PITPNM2: variants seen among roughly 807,000 people sequenced by gnomAD.
PITPNM2 encodes phosphatidylinositol transfer protein membrane associated 2, also known as membrane-associated phosphatidylinositol transfer protein 2.
PITPNM2 carries 35 observed loss-of-function variants against 132.2 expected under a neutral mutation model. That is an observed-to-expected ratio of 0.26 (90% CI 0.20 to 0.35). PITPNM2 has a LOEUF of 0.35. Among genes scored for constraint, PITPNM2 ranks in the 10% least tolerant of loss-of-function variants. The pLI is 1.00. For synonymous variants in PITPNM2, 738 were observed against 799.2 expected, an observed-to-expected ratio of 0.92 and a Z score of 1.29; for missense variants, 1,332 against 1,912.0, an observed-to-expected ratio of 0.70 and a Z score of 5.66.
intron 3 of PITPNM2, among the ~76,000 whole-genome samples, chr12:123,018,803 A>C (rs1475331077): frequency 9.5e-5 from 5 of 52,452 alleles, no homozygotes; most frequent in African/African-American, 5.1e-4. Context: ...TTTTTTTTTG[A>C]GACAGAGTCT....
chr12:123,122,139 C>A (rs931034309), intron 1 of PITPNM2, among the ~76,000 whole-genome samples: 1 of 152,180 alleles, frequency 6.6e-6, no homozygotes, highest in Non-Finnish European at 1.5e-5. Context: ...ATTCCTCCTG[C>A]CCCCAGCTCC....
At chr12:123,043,617 C>T (rs939159090) in intron 2 of PITPNM2, among the ~76,000 whole-genome samples, 5 of 152,224 alleles carry the variant, frequency 3.3e-5, no homozygotes, top group African/African-American at 4.8e-5. Context: ...CACAGCACAG[C>T]GGCCACCTGG....
intron 2 of PITPNM2, among the ~76,000 whole-genome samples, chr12:123,098,666 C>T (rs1274898754): frequency 6.6e-6 from 1 of 152,116 alleles, no homozygotes; most frequent in Non-Finnish European, 1.5e-5. Context: ...AGCTAATATG[C>T]AAATGGAGAA....
chr12:123,035,944 G>C (rs926326985), intron 2 of PITPNM2, among the ~76,000 whole-genome samples: 2 of 152,142 alleles, frequency 1.3e-5, no homozygotes, highest in African/African-American at 4.8e-5. Context: ...CTGCAGCCTT[G>C]ATCTCCTGGG....
intron 2 of PITPNM2, among the ~76,000 whole-genome samples, chr12:123,049,198 T>C (rs1219701136): frequency 6.6e-6 from 1 of 151,908 alleles, no homozygotes; most frequent in African/African-American, 2.4e-5. Context: ...GGAGCCACAG[T>C]GGAGAAGCCA....
At chr12:123,033,289 G>A (rs937750119) in intron 3 of PITPNM2, among the ~76,000 whole-genome samples, 3 of 152,220 alleles carry the variant, frequency 2.0e-5, no homozygotes, top group Admixed American at 2.0e-4. Context: ...GGAAGCTGCC[G>A]GGCTAGGCCA....
rs528667736 is a variant in PITPNM2, at chr12:123,005,802, C to T, written c.644-254G>A. The T allele has an allele frequency of 1.9e-6, 1 of 527,120 alleles. No homozygotes were observed. The highest frequency in any genetic ancestry group is 1.9e-5 in the African/African-American group (1 of 52,820). 32.7% of individuals were successfully genotyped at this position (527,120 alleles called of 1,614,324 possible). A position where few individuals can be genotyped will look rare whatever the true frequency, so the allele number is the denominator to read the frequency against. On this transcript the variant is annotated intron_variant, in intron 6 of 25. Coordinates refer to ENST00000320201, the MANE Select transcript of PITPNM2 (RefSeq NM_020845.3). The surrounding 1 kb of genome is among the most constrained non-coding windows in gnomAD (Gnocchi z 6.2). The stretch of plus-strand genomic sequence containing the variant: ...GGCCTCCCAAAGCAATGTGTCCGGT[C>T]AGAAGCCACAGTTGGAAGGGCGCAG...
chr12:123,005,797 C>T lies in PITPNM2; in HGVS notation c.644-249G>A, dbSNP rs963594319. ...GGAGGGGCCTCCCAAAGCAATGTGT[C>T]CGGTCAGAAGCCACAGTTGGAAGGG... is the stretch of plus-strand genomic sequence containing the variant. On this transcript the variant is annotated intron_variant, in intron 6 of 25. Transcript: ENST00000320201. The surrounding 1 kb of genome is among the most constrained non-coding windows in gnomAD (Gnocchi z 6.2). 3.7e-6 allele frequency: 2 copies of T among 537,038 alleles called. No homozygotes were observed. Among genetic ancestry groups the T allele is most frequent in the Non-Finnish European group, 6.6e-6 (2 of 303,750 alleles). The allele number at this position is 537,038 out of a possible 1,614,324, so 33.3% of individuals were successfully genotyped here. A position where few individuals can be genotyped will look rare whatever the true frequency, so the allele number is the denominator to read the frequency against.
chr12:123,101,187 C>G (rs1179683288), intron 2 of PITPNM2, among the ~76,000 whole-genome samples: 1 of 152,168 alleles, frequency 6.6e-6, no homozygotes, highest in African/African-American at 2.4e-5. Flanking sequence ...AAACCTAGGC[C>G]ATTTTGGGGA....
Position 123,005,790 on chromosome 12 carries a change from A to C in PITPNM2, c.644-242T>G. ...TTAGAGTGGAGGGGCCTCCCAAAGCAATGTGTCCGGTCAGAAGCCACAGTT... is the reference window on the plus strand; with the variant it reads ...TTAGAGTGGAGGGGCCTCCCAAAGCCATGTGTCCGGTCAGAAGCCACAGTT... On this transcript the variant is annotated intron_variant, in intron 6 of 25. Coordinates refer to ENST00000320201, the MANE Select transcript of PITPNM2 (RefSeq NM_020845.3). This position sits in a 1 kb window ranked among gnomAD's most constrained non-coding sequence, Gnocchi z 6.2. The C allele has an allele frequency of 1.8e-6, 1 of 549,030 alleles. No homozygotes were observed. Among genetic ancestry groups the C allele is most frequent in the East Asian group, 3.0e-5 (1 of 33,568 alleles). 34.0% of individuals were successfully genotyped at this position (549,030 alleles called of 1,614,324 possible). A position where few individuals can be genotyped will look rare whatever the true frequency, so the allele number is the denominator to read the frequency against.
intron 1 of PITPNM2, among the ~76,000 whole-genome samples, chr12:123,125,860 T>C (rs1323666768): frequency 5.2e-5 from 5 of 96,136 alleles, no homozygotes; most frequent in Non-Finnish European, 1.0e-4. Context: ...AAAAAAAAAT[T>C]AGGGTTTTTT....
intron 16 of PITPNM2, 102 bp from the exon 17 acceptor site, chr12:122,990,811 G>A: frequency 3.8e-6 from 5 of 1,302,214 alleles, no homozygotes; most frequent in South Asian, 1.5e-5. Flanking sequence ...ACCTAGACTG[G>A]AGGCTGGGCA....
At chr12:122,987,924 A>G (rs2038006362) in intron 20 of PITPNM2, 23 bp from the exon 21 acceptor site, 6 of 1,596,200 alleles carry the variant, frequency 3.8e-6, no homozygotes, top group African/African-American at 2.7e-5. Flanking sequence ...TGGCAAGCCC[A>G]GGTCAGGGGG....
In PITPNM2 at chr12:123,064,095, G is replaced by A. The variant is rs1275385596; in HGVS notation, c.-95-29410C>T. Among the ~76,000 whole-genome samples the A allele has an allele frequency of 6.6e-6, 1 of 152,194 alleles. No individual in the cohort carries two copies. Among genetic ancestry groups the A allele is most frequent in the African/African-American group, 2.4e-5 (1 of 41,436 alleles). ...GTGTCCCCACACTCAAAACAGTCAGGACTAGGGGAAACAAATCATTGATAT... is the reference window on the plus strand; with the variant it reads ...GTGTCCCCACACTCAAAACAGTCAGAACTAGGGGAAACAAATCATTGATAT... On this transcript the variant is annotated intron_variant, in intron 2 of 25. Transcript: ENST00000320201. This position sits in a 1 kb window ranked among gnomAD's most constrained non-coding sequence, Gnocchi z 4.0.
chr12:123,103,048 T>C (rs1467515539), intron 2 of PITPNM2, among the ~76,000 whole-genome samples: 2 of 152,186 alleles, frequency 1.3e-5, no homozygotes, highest in East Asian at 1.9e-4. Flanking sequence ...CTCAGCCTCC[T>C]GAGTAGCTGG....
At chr12:123,072,738 G>A (rs1208555571) in intron 2 of PITPNM2, among the ~76,000 whole-genome samples, 1 of 152,252 alleles carries the variant, frequency 6.6e-6, no homozygotes, top group Admixed American at 6.5e-5. Context: ...GCCGAAGGCA[G>A]CAGAGAGGGC....
intron 2 of PITPNM2, among the ~76,000 whole-genome samples, chr12:123,074,522 AAC>A (rs1394262560): frequency 2.0e-5 from 3 of 151,878 alleles, no homozygotes; most frequent in Admixed American, 1.3e-4. Context: ...ATATGCACAC[AAC>A]ACACACTCAC....
At chr12:122,988,104 A>C in intron 20 of PITPNM2, 130 bp downstream of exon 20, 6 of 926,144 alleles carry the variant, frequency 6.5e-6, no homozygotes, top group Non-Finnish European at 1.0e-5. Flanking sequence ...GTGGGCTGAC[A>C]GCTCCAACCT....
At chr12:123,140,756 C>T (rs2043489474) in intron 1 of PITPNM2, among the ~76,000 whole-genome samples, 1 of 152,094 alleles carries the variant, frequency 6.6e-6, no homozygotes, top group Admixed American at 6.5e-5. Flanking sequence ...TCTCTAACCT[C>T]CAGCCTACAG....
Sources: gnomAD v4.1 joint callset for allele counts (sites outside exome capture counted in the v4.1 genomes callset) on GRCh38, gnomAD v4.1.1 for gene constraint, Gnocchi (gnomAD v3.1) non-coding constraint, MANE v1.5 for transcripts, NCBI Gene and HGNC (gene_info 2026-07-23, HGNC 2026-07-21) for gene names.